The following GIGYF2 variants were observed in gnomAD, a reference collection of about 807,000 sequenced individuals.
The protein encoded by GIGYF2 is GRB10-interacting GYF protein 2.
In GIGYF2, 25 loss-of-function variants were observed where a neutral mutation model predicts 208.1. The observed-to-expected ratio is 0.12, with a 90% confidence interval of 0.09 to 0.17. The LOEUF (loss-of-function observed/expected upper bound fraction) is 0.17, where lower values mean the gene tolerates loss of function less well. GIGYF2 is among the 10% of genes least tolerant of loss of function. GIGYF2 has a pLI of 1.00. For synonymous variants in GIGYF2, 534 were observed against 543.8 expected, an observed-to-expected ratio of 0.98 and a Z score of 0.25; for missense variants, 1,302 against 1,579.4, an observed-to-expected ratio of 0.82 and a Z score of 2.98.
At chr2:232,705,241 ACT>A (rs1177622705) in intron 2 of GIGYF2, among the ~76,000 whole-genome samples, 3 of 152,014 alleles carry the variant, frequency 2.0e-5, no homozygotes, top group Admixed American at 1.3e-4. Context: ...AACTTCATAG[ACT>A]CTATTCACAT....
chr2:232,722,261 T>C (rs547889115), intron 2 of GIGYF2, among the ~76,000 whole-genome samples: 6 of 152,158 alleles, frequency 3.9e-5, no homozygotes, highest in Non-Finnish European at 8.8e-5. Context: ...CAGGTTTTCA[T>C]GGCTGGGGAG....
At chr2:232,838,780 C>T (rs1446745442) in intron 22 of GIGYF2, among the ~76,000 whole-genome samples, 1 of 152,042 alleles carries the variant, frequency 6.6e-6, no homozygotes, top group Non-Finnish European at 1.5e-5. Context: ...TCAACACCTC[C>T]CTCCCCCAGT....
At chr2:232,839,130 G>T (rs1701739824) in intron 22 of GIGYF2, among the ~76,000 whole-genome samples, 1 of 152,080 alleles carries the variant, frequency 6.6e-6, no homozygotes, top group Admixed American at 6.5e-5. Context: ...GTGTTCGCTT[G>T]TTTGATGCCT....
At chr2:232,790,564 G>A in intron 9 of GIGYF2, 134 bp from the exon 10 acceptor site, 1 of 783,176 alleles carries the variant, frequency 1.3e-6, no homozygotes, top group Non-Finnish European at 2.3e-6. Context: ...GTTGCCTAAT[G>A]TTCTCTTTAC....
chr2:232,848,080 A>T (rs1702079684), intron 27 of GIGYF2, among the ~76,000 whole-genome samples: 1 of 152,208 alleles, frequency 6.6e-6, no homozygotes, highest in Non-Finnish European at 1.5e-5. Flanking sequence ...CTCCTAGGGG[A>T]TATATAGGGT....
rs1389223936 is a variant in GIGYF2 at position 232,791,287 on chromosome 2, T to C, written c.1123T>C (p.Ser375Pro). 1.6e-5 allele frequency: 26 copies of C among 1,614,048 alleles called. No homozygotes were observed. The highest frequency in any genetic ancestry group is 2.1e-5 in the Non-Finnish European group (25 of 1,179,950). The change falls in exon 12 of 29, where the codon TCA becomes CCA. Residue 375 changes from serine (S) to proline (P), a missense_variant. Coordinates refer to ENST00000373563, the MANE Select transcript of GIGYF2 (RefSeq NM_001103146.3). ...EASEETPQTS[S>P]SSARPGTPSD... is the part of the protein sequence containing the mutation. ...TAGTGAGGAAACTCCCCAGACCTCATCATCATCTGCTAGACCAGGTACTCC... is the reference window on the plus strand; with the variant it reads ...TAGTGAGGAAACTCCCCAGACCTCACCATCATCTGCTAGACCAGGTACTCC...
At position 232,739,370 on chromosome 2, in the gene GIGYF2, C is replaced by A. The variant is rs1055733788; in HGVS notation, c.41+4132C>A. On this transcript the variant is annotated intron_variant, in intron 3 of 28. Coordinates refer to ENST00000373563, the MANE Select transcript of GIGYF2 (RefSeq NM_001103146.3). Reference sequence around the variant, plus strand: ...TGGGCAACAAAAGCAAACCCCCCCCCCCCCGCAAAAAAAAAGAAAAGGGTT... The same window carrying A: ...TGGGCAACAAAAGCAAACCCCCCCCACCCCGCAAAAAAAAAGAAAAGGGTT... 2.4e-4 allele frequency among the ~76,000 whole-genome samples: 32 copies of A among 134,522 alleles called. 2 individuals carry two copies. The highest frequency in any genetic ancestry group is 8.4e-4 in the African/African-American group (30 of 35,766). 88.3% of individuals were successfully genotyped at this position (134,522 alleles called of 152,430 possible). A position where few individuals can be genotyped will look rare whatever the true frequency, so the allele number is the denominator to read the frequency against.
intron 14 of GIGYF2, among the ~76,000 whole-genome samples, chr2:232,799,953 C>G (rs1184748215): frequency 2.7e-5 from 4 of 150,212 alleles, no homozygotes; most frequent in Non-Finnish European, 5.9e-5. Flanking sequence ...AAGTCCTTTG[C>G]CTTTTTTTTT....
In GIGYF2 at chr2:232,715,201, T is replaced by G. The variant is rs544599799; in HGVS notation, c.-44+11712T>G. Reference sequence around the variant, plus strand: ...TCCGTATTGCTGCATGCAAATAGTTTGTTTTTTAATGCCAAGAATTTTCCA... The same window carrying G: ...TCCGTATTGCTGCATGCAAATAGTTGGTTTTTTAATGCCAAGAATTTTCCA... On this transcript the variant is annotated intron_variant, in intron 2 of 28. Transcript: ENST00000373563. 2.0e-5 allele frequency among the ~76,000 whole-genome samples: 3 copies of G among 152,350 alleles called. No individual in the cohort carries two copies. In the East Asian group the frequency reaches 5.8e-4, roughly 29 times the overall value.
chr2:232,783,626 G>C (rs754547069), intron 8 of GIGYF2, among the ~76,000 whole-genome samples: 2 of 151,324 alleles, frequency 1.3e-5, no homozygotes, highest in Non-Finnish European at 2.9e-5. Flanking sequence ...GTTACTAAGT[G>C]ATTATTTACA....
intron 8 of GIGYF2, among the ~76,000 whole-genome samples, chr2:232,786,308 G>A (rs949466808): frequency 5.3e-5 from 8 of 152,006 alleles, no homozygotes; most frequent in Non-Finnish European, 8.8e-5. Flanking sequence ...CGCGATCTCT[G>A]CTTACCGCGA....
intron 6 of GIGYF2, among the ~76,000 whole-genome samples, chr2:232,759,398 T>G (rs1355256492): frequency 6.6e-6 from 1 of 151,654 alleles, no homozygotes; most frequent in Non-Finnish European, 1.5e-5. Flanking sequence ...GTGTATTGAA[T>G]ACAAATGTTT....
intron 1 of GIGYF2, among the ~76,000 whole-genome samples, chr2:232,702,158 G>C (rs1385280039): frequency 6.6e-6 from 1 of 152,136 alleles, no homozygotes; most frequent in Admixed American, 6.5e-5. Context: ...AAAATAACTG[G>C]CCGGGTGCAG....
chr2:232,782,838 A>G (rs959487241), intron 8 of GIGYF2: 1 of 152,254 alleles, frequency 6.6e-6, no homozygotes, highest in African/African-American at 2.4e-5. Context: ...GGGGCTAGAA[A>G]TTAGGATAGT....
intron 28 of GIGYF2, among the ~76,000 whole-genome samples, chr2:232,855,055 A>T (rs1220201072): frequency 6.8e-6 from 1 of 146,952 alleles, no homozygotes; most frequent in African/African-American, 2.5e-5. Context: ...ATTCGGCATT[A>T]GGTTTTCTTT....
chr2:232,841,298 T>C (rs956482370), intron 23 of GIGYF2, among the ~76,000 whole-genome samples: 2 of 151,822 alleles, frequency 1.3e-5, no homozygotes, highest in African/African-American at 2.4e-5. Context: ...GTTTTCTTTT[T>C]CTTTTTTTTC....
chr2:232,828,535 C>G (rs1433051067), intron 21 of GIGYF2: 1 of 151,986 alleles, frequency 6.6e-6, no homozygotes, highest in African/African-American at 2.4e-5. Context: ...TCACTGCAGC[C>G]TAGAACTCCT....
At chr2:232,827,980 CCTTTT>C (rs199772292) in intron 21 of GIGYF2, among the ~76,000 whole-genome samples, 407 of 151,780 alleles carry the variant, frequency 2.7e-3, no homozygotes, top group African/African-American at 9.5e-3. Flanking sequence ...TATTTGGGAG[CCTTTT>C]CTTTTCTTTT....
intron 21 of GIGYF2, chr2:232,828,561 T>A (rs987060582): frequency 3.3e-5 from 5 of 152,154 alleles, no homozygotes; most frequent in Non-Finnish European, 7.3e-5. Flanking sequence ...CAAGCTATTC[T>A]CCCACTTCAG....
Sources: allele counts gnomAD v4.1 joint callset (sites outside exome capture counted in the v4.1 genomes callset), GRCh38; gene constraint gnomAD v4.1.1; transcripts MANE v1.5; gene names NCBI Gene and HGNC (gene_info 2026-07-23, HGNC 2026-07-21).